ENO4: variants seen among roughly 807,000 people sequenced by gnomAD.
ENO4 encodes the protein 2-phospho-D-glycerate hydro-lyase.
In ENO4, 53 loss-of-function variants were observed where a neutral mutation model predicts 63.2. That is an observed-to-expected ratio of 0.84 (90% confidence interval 0.67 to 1.05). ENO4 has a LOEUF of 1.05. Ranked by LOEUF, ENO4 falls within the 50% of genes least tolerant of loss-of-function variation. ENO4 has a pLI of 0.00. For missense variants in ENO4, 719 were observed against 772.0 expected (o/e 0.93, Z 0.81); for synonymous variants, 266 against 283.8 (o/e 0.94, Z 0.63).
intron 10 of ENO4, among the ~76,000 whole-genome samples, chr10:116,891,292 A>G (rs902717560): frequency 6.6e-6 from 1 of 152,216 alleles, no homozygotes; most frequent in Non-Finnish European, 1.5e-5. Context: ...TTTCTATTTC[A>G]CTTCTGAGGT....
Position 116,878,972 on chromosome 10 carries a change from T to C in ENO4, c.1538-319T>C, listed in dbSNP as rs1258432073. Among the ~76,000 whole-genome samples, 4 of 152,140 alleles carry C rather than the reference T, an allele frequency of 2.6e-5. No individual in the cohort carries two copies. In the East Asian group the frequency reaches 7.7e-4, roughly 29 times the overall value. ...GTTAGCCAGGATGGTCTCGATCTCC[T>C]GACCTCATGATCCACCTGCCTTGGC... is the stretch of plus-strand genomic sequence containing the variant. On this transcript the variant is annotated intron_variant, in intron 11 of 13. Coordinates refer to ENST00000341276, the MANE Select transcript of ENO4 (RefSeq NM_001242699.2).
At chr10:116,903,542 C>T (rs1234078377) in intron 10 of ENO4, among the ~76,000 whole-genome samples, 1 of 152,016 alleles carries the variant, frequency 6.6e-6, no homozygotes, top group Non-Finnish European at 1.5e-5. Context: ...AAAAAAAAGG[C>T]CTTTTCCTCC....
chr10:116,860,663 C>T (rs1199581137), intron 4 of ENO4, 131 bp from the exon 5 acceptor site: 1 of 636,340 alleles, frequency 1.6e-6, no homozygotes, highest in Non-Finnish European at 2.3e-6. Flanking sequence ...AAACAGAAAA[C>T]TTTTTGGGGG....
At chr10:116,861,802 T>C (rs1356272129) in intron 6 of ENO4, among the ~76,000 whole-genome samples, 2 of 152,034 alleles carry the variant, frequency 1.3e-5, no homozygotes, top group Non-Finnish European at 1.5e-5. Context: ...CAGTAATAAG[T>C]TGAGTGATAG....
Position 116,860,896 on chromosome 10 carries a change from C to T in ENO4, c.737C>T (p.Ala246Val). 6.5e-7 allele frequency: 1 copy of T among 1,549,794 alleles called. No homozygotes were observed. The highest frequency in any genetic ancestry group is 1.2e-5 in the South Asian group (1 of 83,932). Residue 246 changes from alanine to valine, a missense_variant, in exon 5 of 14, where the codon GCC (alanine) becomes GTC (valine). Around this residue, in one of 3 missense-constraint regions of ENO4, gnomAD observed 544 missense variants for 583.6 expected, o/e 0.93. Transcript: ENST00000341276. ...MAIGAVSLAVAKACAMLLNKP... is the reference protein window; with the variant it reads ...MAIGAVSLAVVKACAMLLNKP... ...ATAGGGGCCGTGTCACTAGCTGTTG[C>T]CAAAGCCTGTGCCATGCTGCTTAAT...
At chr10:116,876,523 A>C (rs929216916) in intron 11 of ENO4, among the ~76,000 whole-genome samples, 1 of 152,230 alleles carries the variant, frequency 6.6e-6, no homozygotes, top group African/African-American at 2.4e-5. Flanking sequence ...TGCCCTGTCA[A>C]CTTCACAGTG....
In ENO4 at chr10:116,849,731, G is replaced by A; in HGVS notation, c.165G>A (p.Leu55=). The change falls in exon 1 of 14, where the codon CTG becomes CTA. Residue 55 remains leucine, a splice_region_variant and synonymous_variant. Transcript: ENST00000341276. ...AGCCTGCCGACGTCTACGGGCACCT[G>A]GTAGGGACCTGGGACAAGCGCTCTC... The part of the protein sequence containing the change: ...YLQPADVYGH[L]ANCFSKLAKP... The A allele has an allele frequency of 1.3e-6, 2 of 1,517,172 alleles. No individual in the cohort carries two copies. The highest frequency in any genetic ancestry group is 2.1e-5 in the Admixed American group (1 of 47,862). 94.0% of individuals were successfully genotyped at this position (1,517,172 alleles called of 1,614,324 possible). A position where few individuals can be genotyped will look rare whatever the true frequency, so the allele number is the denominator to read the frequency against.
chr10:116,894,941 A>G (rs1847464552), intron 10 of ENO4, among the ~76,000 whole-genome samples: 1 of 152,216 alleles, frequency 6.6e-6, no homozygotes, highest in Admixed American at 6.5e-5. Flanking sequence ...CTTTCTCCAT[A>G]CTGAAGGCCC....
At position 116,882,492 on chromosome 10, in the gene ENO4, T is replaced by TA. The variant is rs1454218350; in HGVS notation, c.*826dup. On this transcript the variant is annotated 3_prime_UTR_variant, in exon 14 of 14. Transcript: ENST00000341276. Reference sequence around the variant, plus strand: ...GATTATAGCAGAGGAGTAGCAGAAATAAATATATTCAGACACAAACATATA... The same window carrying TA: ...GATTATAGCAGAGGAGTAGCAGAAATAAAATATATTCAGACACAAACATATA... 3 of 150,468 alleles carry TA rather than the reference T, an allele frequency of 2.0e-5. No homozygotes were observed. The highest frequency in any genetic ancestry group is 7.3e-5 in the African/African-American group (3 of 40,854). 9.3% of individuals were successfully genotyped at this position (150,468 alleles called of 1,614,324 possible). A position where few individuals can be genotyped will look rare whatever the true frequency, so the allele number is the denominator to read the frequency against.
chr10:116,867,274 A>G (rs1193934962), intron 7 of ENO4, among the ~76,000 whole-genome samples: 1 of 152,160 alleles, frequency 6.6e-6, no homozygotes, highest in Non-Finnish European at 1.5e-5. Flanking sequence ...CTTATTAAGG[A>G]AAGATTATAT....
At chr10:116,876,293 A>G in intron 11 of ENO4, 33 bp downstream of exon 11, 1 of 1,480,524 alleles carries the variant, frequency 6.8e-7, no homozygotes, top group Non-Finnish European at 9.0e-7. Flanking sequence ...AAGACTCGTA[A>G]TGACTTGGTT....
intron 10 of ENO4, among the ~76,000 whole-genome samples, chr10:116,888,965 C>A (rs949054530): frequency 3.9e-5 from 6 of 152,216 alleles, no homozygotes; most frequent in African/African-American, 1.4e-4. Context: ...ATTGAGTCAC[C>A]AGTACGAAGG....
At chr10:116,893,881 T>A (rs1354333535) in intron 10 of ENO4, among the ~76,000 whole-genome samples, 1 of 152,216 alleles carries the variant, frequency 6.6e-6, no homozygotes, top group Non-Finnish European at 1.5e-5. Flanking sequence ...AAGCTCATAA[T>A]CTTTCATAGG....
chr10:116,862,919 G>A (rs1337696013), intron 7 of ENO4, 67 bp downstream of exon 7: 1 of 1,066,362 alleles, frequency 9.4e-7, no homozygotes, highest in African/African-American at 1.6e-5. Flanking sequence ...GCAACTTGTA[G>A]TTCATTTGGA....
At chr10:116,905,857 C>T (rs1408430812) in intron 10 of ENO4, among the ~76,000 whole-genome samples, 4 of 152,122 alleles carry the variant, frequency 2.6e-5, no homozygotes, top group African/African-American at 9.7e-5. Flanking sequence ...TTCCCATGAC[C>T]GAGCTGATGA....
At chr10:116,907,965 C>A (rs1848040418) in intron 10 of ENO4, 1 of 504,990 alleles carries the variant, frequency 2.0e-6, no homozygotes, top group African/African-American at 1.9e-5. Context: ...GTTGTTTTAG[C>A]CATTTTTACA....
downstream of ENO4, chr10:116,885,267 ATT>A (rs1473019231): frequency 1.3e-5 from 2 of 152,654 alleles, no homozygotes; most frequent in Non-Finnish European, 2.9e-5. Context: ...TTACTGAATC[ATT>A]GTCATAAAAA....
intron 10 of ENO4, among the ~76,000 whole-genome samples, chr10:116,888,519 CAG>C (rs1491478931): frequency 2.6e-5 from 4 of 152,168 alleles, no homozygotes; most frequent in Non-Finnish European, 4.4e-5. Flanking sequence ...TGTAAAGTGA[CAG>C]AGACTGGGGA....
chr10:116,853,926 C>G (rs1212370320), intron 1 of ENO4, among the ~76,000 whole-genome samples: 1 of 152,130 alleles, frequency 6.6e-6, no homozygotes, highest in Admixed American at 6.5e-5. Flanking sequence ...AAAGCAAAGC[C>G]CAGTCCTATC....
Sources: gnomAD v4.1 joint callset for allele counts (sites outside exome capture counted in the v4.1 genomes callset) on GRCh38, gnomAD v4.1.1 for gene constraint, gnomAD v4.1.1 regional missense constraint, MANE v1.5 for transcripts, NCBI Gene and HGNC (gene_info 2026-07-23, HGNC 2026-07-21) for gene names.